The following SAMD5 variants were observed in gnomAD, a reference collection of about 807,000 sequenced individuals.
SAMD5 encodes sterile alpha motif domain-containing protein 5.
Under a neutral mutation model 11.3 loss-of-function variants are expected in SAMD5, and 13 were observed. The ratio of observed to expected loss-of-function variants is 1.15; its 90% CI spans 0.75 to 1.83. SAMD5 has a LOEUF of 1.83. Among genes scored for constraint, SAMD5 ranks in the 40% most tolerant of loss-of-function variants. The pLI, the probability that SAMD5 is intolerant of heterozygous loss-of-function variation, is 0.00. For missense variants in SAMD5, 255 were observed against 239.1 expected (o/e 1.07, Z -0.44); for synonymous variants, 129 against 111.3 (o/e 1.16, Z -1.00).
the SAMD5 span, among the ~76,000 whole-genome samples, chr6:147,824,773 C>T: frequency 1.3e-5 from 2 of 152,096 alleles, no homozygotes; most frequent in African/African-American, 4.8e-5. Flanking sequence ...CTTTAGTAAA[C>T]TAAGATTGTT....
the SAMD5 span, among the ~76,000 whole-genome samples, chr6:147,768,104 T>C: frequency 1.3e-5 from 2 of 152,202 alleles, no homozygotes; most frequent in Non-Finnish European, 2.9e-5. Flanking sequence ...CATCCAGTTA[T>C]GGAAGCAAAG....
At chr6:147,615,162 A>C (rs1426185779) in intron 1 of SAMD5, among the ~76,000 whole-genome samples, 1 of 152,072 alleles carries the variant, frequency 6.6e-6, no homozygotes, top group Non-Finnish European at 1.5e-5. Flanking sequence ...AATCCCCCAC[A>C]GATATCGAAG....
intron 1 of SAMD5, among the ~76,000 whole-genome samples, chr6:147,549,707 G>T (rs1788738894): frequency 2.0e-5 from 3 of 151,780 alleles, no homozygotes; most frequent in Non-Finnish European, 2.9e-5. Context: ...CTCATGTTTT[G>T]TTTACTGGGA....
chr6:147,897,183 G>A, the SAMD5 span, among the ~76,000 whole-genome samples: 55 of 152,140 alleles, frequency 3.6e-4, 1 homozygote, highest in Non-Finnish European at 7.1e-4. Context: ...GCACAATAAA[G>A]CTGTTTAAAA....
chr6:147,888,070 G>A, the SAMD5 span, among the ~76,000 whole-genome samples: 1 of 151,874 alleles, frequency 6.6e-6, no homozygotes, highest in Middle Eastern at 3.4e-3. Context: ...ATTCAACATG[G>A]GATTTGTAAA....
At chr6:147,807,162 C>T in the SAMD5 span, among the ~76,000 whole-genome samples, 1,285 of 152,094 alleles carry the variant, frequency 8.4e-3, 20 homozygotes, top group African/African-American at 0.029. Context: ...TGTAGTGGCA[C>T]GATCTCGGCT....
the SAMD5 span, among the ~76,000 whole-genome samples, chr6:147,871,104 C>G: frequency 6.6e-6 from 1 of 152,050 alleles, no homozygotes; most frequent in Admixed American, 6.6e-5. Context: ...ACAATAAGAC[C>G]CTTGTACACA....
At chr6:147,755,697 C>A in the SAMD5 span, among the ~76,000 whole-genome samples, 12 of 152,140 alleles carry the variant, frequency 7.9e-5, no homozygotes, top group South Asian at 2.5e-3. Flanking sequence ...ATAACTTAAC[C>A]TAGACGAGTT....
At chr6:147,928,647 G>A in the SAMD5 span, among the ~76,000 whole-genome samples, 25 of 151,768 alleles carry the variant, frequency 1.6e-4, no homozygotes, top group South Asian at 2.1e-4. Flanking sequence ...ATGGTTTTTC[G>A]TATCTCAGTT....
the SAMD5 span, among the ~76,000 whole-genome samples, chr6:147,892,143 T>A: frequency 6.6e-6 from 1 of 152,206 alleles, no homozygotes; most frequent in African/African-American, 2.4e-5. Flanking sequence ...CTGTCTCCCT[T>A]CTTGCCTCCT....
At chr6:147,642,232 T>A (rs1790322875) in intron 1 of SAMD5, among the ~76,000 whole-genome samples, 1 of 152,246 alleles carries the variant, frequency 6.6e-6, no homozygotes, top group South Asian at 2.1e-4. Flanking sequence ...CTTTCTTACT[T>A]TAAAAATTGG....
chr6:147,878,543 A>G, the SAMD5 span, among the ~76,000 whole-genome samples: 10 of 149,412 alleles, frequency 6.7e-5, no homozygotes, highest in East Asian at 2.0e-3. Flanking sequence ...CTAGAGAAAT[A>G]GGAACTATAT....
chr6:147,782,934 G>A, the SAMD5 span, among the ~76,000 whole-genome samples: 1 of 152,076 alleles, frequency 6.6e-6, no homozygotes, highest in East Asian at 1.9e-4. Context: ...TGGTTATTTA[G>A]GGAGATGATT....
the SAMD5 span, among the ~76,000 whole-genome samples, chr6:147,875,806 T>C: frequency 2.6e-5 from 4 of 152,062 alleles, no homozygotes; most frequent in Non-Finnish European, 5.9e-5. Context: ...TGTCACCATC[T>C]CCCATCAACC....
intron 1 of SAMD5, among the ~76,000 whole-genome samples, chr6:147,634,656 G>A (rs1283805041): frequency 6.6e-6 from 1 of 152,128 alleles, no homozygotes; most frequent in Non-Finnish European, 1.5e-5. Context: ...TCCAACTAGA[G>A]TACAACTATT....
chr6:147,812,949 T>G, the SAMD5 span, among the ~76,000 whole-genome samples: 1 of 152,216 alleles, frequency 6.6e-6, no homozygotes, highest in African/African-American at 2.4e-5. Flanking sequence ...AATGATTGGC[T>G]TCACACCACT....
At chr6:147,821,867 C>G in the SAMD5 span, among the ~76,000 whole-genome samples, 1 of 152,074 alleles carries the variant, frequency 6.6e-6, no homozygotes, top group East Asian at 1.9e-4. Flanking sequence ...CCATGTTCCT[C>G]CAGAGAAGAG....
intron 1 of SAMD5, among the ~76,000 whole-genome samples, chr6:147,631,197 T>C (rs1026055001): frequency 6.6e-6 from 1 of 152,100 alleles, no homozygotes; most frequent in African/African-American, 2.4e-5. Context: ...TATAGAATGA[T>C]TGGTGATGGC....
the SAMD5 span, among the ~76,000 whole-genome samples, chr6:147,809,140 G>T: frequency 2.0e-5 from 3 of 151,920 alleles, no homozygotes; most frequent in South Asian, 6.2e-4. Context: ...TATCTTTTTT[G>T]CCATTTGTCA....
Sources: allele counts gnomAD v4.1 joint callset (sites outside exome capture counted in the v4.1 genomes callset), GRCh38; gene constraint gnomAD v4.1.1; transcripts MANE v1.5; gene names NCBI Gene and HGNC (gene_info 2026-07-23, HGNC 2026-07-21).